Variants in ZFYVE28 observed in about 807,000 individuals in gnomAD.
ZFYVE28 encodes the protein lateral signaling target protein 2 homolog.
Under a neutral mutation model 82.1 loss-of-function variants are expected in ZFYVE28, and 40 were observed. The ratio of observed to expected loss-of-function variants is 0.49; its 90% CI spans 0.38 to 0.63. ZFYVE28 has a LOEUF of 0.63. ZFYVE28 is among the 30% of genes least tolerant of loss of function. ZFYVE28 has a pLI of 0.00. For synonymous variants in ZFYVE28, 612 were observed against 546.1 expected (o/e 1.12, Z -1.68); for missense variants, 1,321 against 1,242.1 (o/e 1.06, Z -0.96).
intron 6 of ZFYVE28, among the ~76,000 whole-genome samples, chr4:2,327,587 A>C (rs1321415213): frequency 1.3e-5 from 2 of 151,798 alleles, no homozygotes; most frequent in African/African-American, 4.8e-5. Context: ...ATTTTCACTC[A>C]GTGGTACCCT....
rs1053154302 is a variant in ZFYVE28, at chr4:2,287,464, T to C, written c.2052-13248A>G. On this transcript the variant is annotated intron_variant, in intron 8 of 12. Coordinates refer to ENST00000290974, the MANE Select transcript of ZFYVE28 (RefSeq NM_020972.3). ...GCCGTAGGATGGGCTGAACGAATCC[T>C]GGCTTAAGCCCCTGAAGGGCCTCTG... The C allele has an allele frequency of 5.9e-5, 9 of 152,384 alleles. 1 individual carries two copies. The South Asian group carries it at 8.3e-4, about 14-fold the overall frequency. 9.4% of individuals were successfully genotyped at this position (152,384 alleles called of 1,614,324 possible). A position where few individuals can be genotyped will look rare whatever the true frequency, so the allele number is the denominator to read the frequency against.
chr4:2,412,979 C>T (rs1317705198), intron 1 of ZFYVE28, among the ~76,000 whole-genome samples: 2 of 152,200 alleles, frequency 1.3e-5, no homozygotes, highest in Non-Finnish European at 2.9e-5. Context: ...GCCTCTGACT[C>T]GCCCATTTAA....
chr4:2,344,549 C>T (rs1039428235), intron 2 of ZFYVE28, among the ~76,000 whole-genome samples: 1 of 152,158 alleles, frequency 6.6e-6, no homozygotes, highest in East Asian at 1.9e-4. Flanking sequence ...TACAGTAATA[C>T]AAAAATAGCC....
chr4:2,379,315 G>T (rs541125566), intron 1 of ZFYVE28, among the ~76,000 whole-genome samples: 1 of 152,182 alleles, frequency 6.6e-6, no homozygotes, highest in Non-Finnish European at 1.5e-5. Context: ...TGTCAGACCC[G>T]GGAGCAGGTG....
intron 2 of ZFYVE28, among the ~76,000 whole-genome samples, chr4:2,352,137 A>AAGGG (rs1177758799): frequency 9.9e-5 from 15 of 152,158 alleles, no homozygotes; most frequent in African/African-American, 3.6e-4. Flanking sequence ...TGCATGTATA[A>AAGGG]ATGGACCTGT....
chr4:2,354,162 G>A, intron 1 of ZFYVE28, 89 bp from the exon 2 acceptor site: 2 of 1,339,958 alleles, frequency 1.5e-6, no homozygotes, highest in Non-Finnish European at 2.0e-6. Context: ...CCATGTGTGG[G>A]CTCAGCCTGG....
chr4:2,360,831 T>A (rs974179051), intron 1 of ZFYVE28, among the ~76,000 whole-genome samples: 4 of 152,232 alleles, frequency 2.6e-5, no homozygotes, highest in African/African-American at 9.6e-5. Flanking sequence ...CACCCTCAAG[T>A]GAGCCTGCGG....
At chr4:2,384,444 T>G (rs1729042173) in intron 1 of ZFYVE28, among the ~76,000 whole-genome samples, 1 of 152,158 alleles carries the variant, frequency 6.6e-6, no homozygotes. Context: ...GACAGGGCTG[T>G]GACTGACCAC....
intron 1 of ZFYVE28, among the ~76,000 whole-genome samples, chr4:2,378,325 A>G (rs1260734854): frequency 6.6e-6 from 1 of 152,226 alleles, no homozygotes; most frequent in Non-Finnish European, 1.5e-5. Flanking sequence ...TGGGTGACGG[A>G]GCAAGACCCT....
intron 8 of ZFYVE28, chr4:2,295,671 G>C (rs1714445741): frequency 6.5e-6 from 1 of 152,944 alleles, no homozygotes; most frequent in Non-Finnish European, 1.5e-5. Flanking sequence ...GGCCCTCACA[G>C]GTCCTGCCAC....
chr4:2,365,368 TC>T (rs147374850), intron 1 of ZFYVE28, among the ~76,000 whole-genome samples: 24,718 of 151,470 alleles, frequency 0.16, 2,454 homozygotes, highest in Middle Eastern at 0.29. Context: ...AAAGGGCGTG[TC>T]CCCCCCAACT....
intron 8 of ZFYVE28, among the ~76,000 whole-genome samples, chr4:2,287,917 T>G (rs1193793849): frequency 2.0e-5 from 3 of 152,144 alleles, no homozygotes; most frequent in African/African-American, 4.8e-5. Flanking sequence ...CTCTGAAAAT[T>G]AGCTATTTTC....
chr4:2,302,994 C>G (rs1247471446), intron 8 of ZFYVE28, among the ~76,000 whole-genome samples: 3 of 152,230 alleles, frequency 2.0e-5, no homozygotes, highest in Non-Finnish European at 2.9e-5. Context: ...CATCGTAAGT[C>G]TGGAACCACC....
intron 1 of ZFYVE28, among the ~76,000 whole-genome samples, chr4:2,381,353 T>G (rs1340210902): frequency 2.6e-5 from 4 of 152,198 alleles, no homozygotes; most frequent in African/African-American, 9.7e-5. Context: ...GCATTCAGTT[T>G]TATAAGGGAA....
rs1306337959 is a variant in ZFYVE28, at chr4:2,409,870, A to C, written c.39+8415T>G. Among the ~76,000 whole-genome samples, 1 of 152,184 alleles carries C rather than the reference A, an allele frequency of 6.6e-6. No individual in the cohort carries two copies. The highest frequency in any genetic ancestry group is 1.5e-5 in the Non-Finnish European group (1 of 68,036). The stretch of plus-strand genomic sequence containing the variant: ...GGGTGGGAGGAGAGGCTGGGCTGGG[A>C]CTTGAGGATCCATCTTCAGAGACCA... On this transcript the variant is annotated intron_variant, in intron 1 of 12. Transcript: ENST00000290974. This position sits in a 1 kb window ranked among gnomAD's most constrained non-coding sequence, Gnocchi z 4.4.
At chr4:2,317,694 G>A (rs1187388796) in intron 7 of ZFYVE28, among the ~76,000 whole-genome samples, 5 of 152,046 alleles carry the variant, frequency 3.3e-5, no homozygotes, top group Non-Finnish European at 5.9e-5. Flanking sequence ...ATTTAGTGGC[G>A]CAATCTCAGC....
At chr4:2,366,952 T>C (rs138104417) in intron 1 of ZFYVE28, among the ~76,000 whole-genome samples, 29 of 152,346 alleles carry the variant, frequency 1.9e-4, no homozygotes, top group South Asian at 4.1e-4. Flanking sequence ...TGGGAGATAA[T>C]TGCAAATCTA....
Position 2,394,057 on chromosome 4 carries a change from G to A in ZFYVE28, c.39+24228C>T, listed in dbSNP as rs922651917. On this transcript the variant is annotated intron_variant, in intron 1 of 12. Coordinates refer to ENST00000290974, the MANE Select transcript of ZFYVE28 (RefSeq NM_020972.3). This position sits in a 1 kb window ranked among gnomAD's most constrained non-coding sequence, Gnocchi z 4.0. ...CACAGCTACTTCCCGACGCACGGCC[G>A]CCTCCCGGACCTTCAGAGCCAGCGG... is the stretch of plus-strand genomic sequence containing the variant. Among the ~76,000 whole-genome samples the A allele has an allele frequency of 5.9e-5, 9 of 152,144 alleles. No individual in the cohort carries two copies. The highest frequency in any genetic ancestry group is 1.7e-4 in the African/African-American group (7 of 41,510).
chr4:2,294,525 A>T (rs1714239720), intron 8 of ZFYVE28, among the ~76,000 whole-genome samples: 1 of 152,208 alleles, frequency 6.6e-6, no homozygotes, highest in Non-Finnish European at 1.5e-5. Flanking sequence ...AATTTTTGTG[A>T]CTGTGGGCTA....
Sources: gnomAD v4.1 joint callset for allele counts (sites outside exome capture counted in the v4.1 genomes callset) on GRCh38, gnomAD v4.1.1 for gene constraint, Gnocchi (gnomAD v3.1) non-coding constraint, MANE v1.5 for transcripts, NCBI Gene and HGNC (gene_info 2026-07-23, HGNC 2026-07-21) for gene names.